PDE4B: variants seen among roughly 807,000 people sequenced by gnomAD.
The protein encoded by PDE4B is 3',5'-cyclic-AMP phosphodiesterase 4B.
PDE4B carries 20 observed loss-of-function variants against 82.2 expected under a neutral mutation model. The observed-to-expected ratio is 0.24, with a 90% CI of 0.17 to 0.35. The LOEUF is 0.35. Ranked by LOEUF, PDE4B falls within the 10% of genes least tolerant of loss-of-function variation. The pLI is 1.00. For synonymous variants in PDE4B, 320 were observed against 318.9 expected (o/e 1.00, Z -0.04); for missense variants, 655 against 907.2 (o/e 0.72, Z 3.57).
chr1:66,232,501 T>C (rs1652034345), intron 3 of PDE4B, among the ~76,000 whole-genome samples: 1 of 152,216 alleles, frequency 6.6e-6, no homozygotes, highest in Admixed American at 6.5e-5. Context: ...ATAGATAGTA[T>C]TCTATATCAT....
intron 3 of PDE4B, among the ~76,000 whole-genome samples, chr1:65,942,259 TA>T (rs1472156494): frequency 1.3e-5 from 2 of 151,996 alleles, no homozygotes; most frequent in Non-Finnish European, 2.9e-5. Context: ...ACTCCATATA[TA>T]AGTGAGATCA....
intron 3 of PDE4B, among the ~76,000 whole-genome samples, chr1:66,239,616 C>G (rs961388731): frequency 6.6e-6 from 1 of 152,072 alleles, no homozygotes; most frequent in African/African-American, 2.4e-5. Flanking sequence ...AAATAATGCT[C>G]CTATATTTAT....
intron 3 of PDE4B, among the ~76,000 whole-genome samples, chr1:66,090,683 G>GTATCTC (rs1557553584): frequency 6.9e-6 from 1 of 145,030 alleles, no homozygotes; most frequent in Non-Finnish European, 1.5e-5. Flanking sequence ...ATGTGTATAT[G>GTATCTC]TATCTGTATA....
At chr1:66,224,673 T>A (rs985237621) in intron 3 of PDE4B, among the ~76,000 whole-genome samples, 9 of 152,172 alleles carry the variant, frequency 5.9e-5, no homozygotes, top group African/African-American at 2.2e-4. Context: ...GAGCCGAGAT[T>A]GTGCCATTGC....
intron 3 of PDE4B, among the ~76,000 whole-genome samples, chr1:66,208,663 G>A (rs1649763195): frequency 6.6e-6 from 1 of 151,934 alleles, no homozygotes; most frequent in African/African-American, 2.4e-5. Context: ...ATAATTTCTT[G>A]CTCCTCCAAA....
At chr1:66,312,877 A>G (rs1012708722) in intron 7 of PDE4B, among the ~76,000 whole-genome samples, 1 of 152,182 alleles carries the variant, frequency 6.6e-6, no homozygotes, top group African/African-American at 2.4e-5. Context: ...TAAAATATTT[A>G]TTGTCTGGCT....
At chr1:66,123,854 A>T (rs550226717) in intron 3 of PDE4B, among the ~76,000 whole-genome samples, 1 of 152,204 alleles carries the variant, frequency 6.6e-6, no homozygotes, top group Non-Finnish European at 1.5e-5. Context: ...TGACTTGTAC[A>T]CTGGGTTAAA....
intron 3 of PDE4B, among the ~76,000 whole-genome samples, chr1:66,045,328 G>A (rs1311843782): frequency 6.6e-6 from 1 of 151,378 alleles, no homozygotes; most frequent in African/African-American, 2.4e-5. Context: ...CCAAATGTCT[G>A]TTTCTTCTGT....
rs375552421 is a variant in PDE4B at position 65,953,431 on chromosome 1, A to C, written c.281+34596A>C. On this transcript the variant is annotated intron_variant, in intron 3 of 16. Transcript: ENST00000341517. ...GATCCTAGATAATCTAGTCCGATGAAATCACAAGGGTCTTTATAAGAAGGA... is the reference window on the plus strand; with the variant it reads ...GATCCTAGATAATCTAGTCCGATGACATCACAAGGGTCTTTATAAGAAGGA... Among the ~76,000 whole-genome samples the C allele has an allele frequency of 1.1e-4, 16 of 152,192 alleles. No individual in the cohort carries two copies. In the East Asian group the frequency reaches 2.3e-3, roughly 22 times the overall value.
At chr1:65,839,006 T>C (rs2101334673) in intron 1 of PDE4B, among the ~76,000 whole-genome samples, 1 of 152,270 alleles carries the variant, frequency 6.6e-6, no homozygotes, top group Non-Finnish European at 1.5e-5. Flanking sequence ...TTAAGAAAAA[T>C]AATTTATTGC....
chr1:66,064,739 T>C (rs2100907267), intron 3 of PDE4B, among the ~76,000 whole-genome samples: 1 of 152,124 alleles, frequency 6.6e-6, no homozygotes, highest in Non-Finnish European at 1.5e-5. Flanking sequence ...CTTTCCCATC[T>C]TTATTAGAAT....
At chr1:66,170,649 G>A (rs1431771358) in intron 3 of PDE4B, among the ~76,000 whole-genome samples, 1 of 152,140 alleles carries the variant, frequency 6.6e-6, no homozygotes, top group Non-Finnish European at 1.5e-5. Flanking sequence ...TAGTTGATGA[G>A]TATGTCTTTT....
intron 3 of PDE4B, among the ~76,000 whole-genome samples, chr1:65,927,680 CA>C (rs1447241145): frequency 3.3e-5 from 5 of 151,906 alleles, no homozygotes; most frequent in Non-Finnish European, 5.9e-5. Flanking sequence ...GTGCTTCTTT[CA>C]AGTCCTTGAT....
At chr1:66,036,048 G>A (rs947569643) in intron 3 of PDE4B, among the ~76,000 whole-genome samples, 2 of 152,158 alleles carry the variant, frequency 1.3e-5, no homozygotes, top group African/African-American at 4.8e-5. Context: ...ACAGGGTGAA[G>A]TGATATGTCA....
intron 1 of PDE4B, among the ~76,000 whole-genome samples, chr1:65,813,509 G>C (rs537570090): frequency 1.8e-4 from 27 of 152,256 alleles, no homozygotes; most frequent in African/African-American, 6.5e-4. Flanking sequence ...AGCCAGATCA[G>C]AGTAAACAGA....
intron 8 of PDE4B, among the ~76,000 whole-genome samples, chr1:66,347,355 T>C (rs371411119): frequency 4.1e-4 from 62 of 152,354 alleles, no homozygotes; most frequent in East Asian, 5.8e-4. Flanking sequence ...ATGTCTATTT[T>C]ATGTTATGAA....
At chr1:65,984,981 A>G (rs1032901573) in intron 3 of PDE4B, among the ~76,000 whole-genome samples, 3 of 152,160 alleles carry the variant, frequency 2.0e-5, no homozygotes, top group Non-Finnish European at 2.9e-5. Flanking sequence ...CTTGACAAAT[A>G]AAATTCTATT....
chr1:66,348,135 A>C (rs1004400803), intron 8 of PDE4B, among the ~76,000 whole-genome samples: 1 of 152,184 alleles, frequency 6.6e-6, no homozygotes, highest in African/African-American at 2.4e-5. Flanking sequence ...AAATGTTTCA[A>C]AATAAACCTT....
intron 3 of PDE4B, among the ~76,000 whole-genome samples, chr1:65,956,042 T>C (rs1201613756): frequency 6.6e-6 from 1 of 152,142 alleles, no homozygotes; most frequent in African/African-American, 2.4e-5. Context: ...TGCTGGGATA[T>C]TTTTAGAGAA....
Sources: allele counts gnomAD v4.1 joint callset (sites outside exome capture counted in the v4.1 genomes callset), GRCh38; gene constraint gnomAD v4.1.1; transcripts MANE v1.5; gene names NCBI Gene and HGNC (gene_info 2026-07-23, HGNC 2026-07-21).